CEP43: variants seen among roughly 807,000 people sequenced by gnomAD.
CEP43 encodes the protein centrosomal protein 43.
CEP43 carries 36 observed loss-of-function variants against 52.6 expected under a neutral mutation model. The observed-to-expected ratio is 0.68, with a 90% CI of 0.52 to 0.90. CEP43 has a LOEUF of 0.90. Among genes scored for constraint, CEP43 ranks in the 40% least tolerant of loss-of-function variants. CEP43 has a pLI of 0.00. For synonymous variants in CEP43, 192 were observed against 172.4 expected (o/e 1.11, Z -0.89); for missense variants, 506 against 472.8 (o/e 1.07, Z -0.65).
At chr6:167,034,884 A>G (rs968147732) in intron 12 of CEP43, among the ~76,000 whole-genome samples, 1 of 123,096 alleles carries the variant, frequency 8.1e-6, no homozygotes, top group African/African-American at 2.9e-5. Flanking sequence ...TTCCTGATGT[A>G]TTATATACCC....
At chr6:167,023,501 C>A (rs1780285787) in intron 8 of CEP43, among the ~76,000 whole-genome samples, 1 of 152,186 alleles carries the variant, frequency 6.6e-6, no homozygotes, top group African/African-American at 2.4e-5. Context: ...AGCCTGGAGG[C>A]CCCTGTTGCT....
chr6:167,003,172 A>G, intron 2 of CEP43, 21 bp from the exon 3 acceptor site: 1 of 1,159,786 alleles, frequency 8.6e-7, no homozygotes, highest in Non-Finnish European at 1.2e-6. Flanking sequence ...CATGACACTT[A>G]AATTTTTTTT....
At chr6:167,006,831 G>T (rs1779865898) in intron 5 of CEP43, among the ~76,000 whole-genome samples, 1 of 152,130 alleles carries the variant, frequency 6.6e-6, no homozygotes, top group Admixed American at 6.5e-5. Flanking sequence ...CTTTATCCTA[G>T]CTCCAGACTA....
chr6:167,015,515 T>G (rs959318235), intron 7 of CEP43, among the ~76,000 whole-genome samples: 1 of 152,198 alleles, frequency 6.6e-6, no homozygotes, highest in Non-Finnish European at 1.5e-5. Flanking sequence ...GCCATCCGCA[T>G]GGTAGGTGAG....
Position 167,042,286 on chromosome 6 carries a change from T to G in CEP43, c.*2308T>G. On this transcript the variant is annotated 3_prime_UTR_variant, in exon 13 of 13. Coordinates refer to ENST00000366847, the MANE Select transcript of CEP43 (RefSeq NM_007045.4). The stretch of plus-strand genomic sequence containing the variant: ...GTGTTTTCTGTTAAAAAATAAATAT[T>G]GAAATATTAACCCATTAAATACATT... 3 of 1,003,278 alleles carry G rather than the reference T, an allele frequency of 3.0e-6. No individual in the cohort carries two copies. The highest frequency in any genetic ancestry group is 3.6e-6 in the Non-Finnish European group (3 of 838,678). The allele number at this position is 1,003,278 out of a possible 1,614,324, so 62.1% of individuals were successfully genotyped here. A position where few individuals can be genotyped will look rare whatever the true frequency, so the allele number is the denominator to read the frequency against.
chr6:167,010,235 G>T (rs1032629378), intron 5 of CEP43, among the ~76,000 whole-genome samples: 45 of 152,198 alleles, frequency 3.0e-4, no homozygotes, highest in African/African-American at 1.0e-3. Context: ...TAACCACAGT[G>T]CTCAGAACCC....
chr6:167,030,783 G>C (rs973116628), intron 10 of CEP43, among the ~76,000 whole-genome samples: 1 of 151,994 alleles, frequency 6.6e-6, no homozygotes, highest in African/African-American at 2.4e-5. Context: ...TCTGGCGGTG[G>C]TACGATTATC....
chr6:167,027,506 G>A (rs1780380639), intron 10 of CEP43, among the ~76,000 whole-genome samples: 1 of 152,172 alleles, frequency 6.6e-6, no homozygotes, highest in African/African-American at 2.4e-5. Flanking sequence ...TCACAGGCAG[G>A]TTAGGGAGAA....
intron 10 of CEP43, among the ~76,000 whole-genome samples, chr6:167,031,804 C>T (rs941644798): frequency 6.6e-6 from 1 of 152,214 alleles, no homozygotes; most frequent in Non-Finnish European, 1.5e-5. Context: ...ATCTAGCCCT[C>T]AGAAGTCCTG....
chr6:167,003,758 C>A lies in CEP43; in HGVS notation c.247C>A (p.Gln83Lys), dbSNP rs751802815. The A allele has an allele frequency of 1.4e-5, 23 of 1,611,464 alleles. No homozygotes were observed. Reference protein sequence around the residue: ...LVASLVAEFLQFFNLDFTLAV... With the variant: ...LVASLVAEFLKFFNLDFTLAV... ...GGCTAGTCTTGTTGCAGAATTTCTTCAGTTTTTTAACCTTGACTTTACTTT... is the reference window on the plus strand; with the variant it reads ...GGCTAGTCTTGTTGCAGAATTTCTTAAGTTTTTTAACCTTGACTTTACTTT... Residue 83 changes from glutamine to lysine, a missense_variant, in exon 4 of 13, where the codon CAG (glutamine) becomes AAG (lysine). Gln to Lys is a moderately conservative substitution (Grantham distance 53). Coordinates refer to ENST00000366847, the MANE Select transcript of CEP43 (RefSeq NM_007045.4).
At chr6:167,016,675 C>T (rs1350972158) in intron 7 of CEP43, among the ~76,000 whole-genome samples, 1 of 152,154 alleles carries the variant, frequency 6.6e-6, no homozygotes, top group Non-Finnish European at 1.5e-5. Flanking sequence ...TTTTCCAAAC[C>T]AGGCGTTACC....
intron 2 of CEP43, among the ~76,000 whole-genome samples, chr6:167,001,627 G>C (rs1208814520): frequency 6.6e-6 from 1 of 152,134 alleles, no homozygotes; most frequent in Non-Finnish European, 1.5e-5. Flanking sequence ...ACTGTATTAT[G>C]CCCTTAATGG....
intron 5 of CEP43, among the ~76,000 whole-genome samples, chr6:167,007,013 C>G (rs1467672774): frequency 6.6e-6 from 1 of 152,208 alleles, no homozygotes; most frequent in Non-Finnish European, 1.5e-5. Context: ...TCTTCTTGCT[C>G]ACTTCTGTGT....
chr6:167,041,108 C>A lies in CEP43; in HGVS notation c.*1130C>A. The A allele has an allele frequency of 9.6e-7, 1 of 1,040,304 alleles. No individual in the cohort carries two copies. The highest frequency in any genetic ancestry group is 5.9e-5 in the East Asian group (1 of 17,060). The allele number at this position is 1,040,304 out of a possible 1,614,324, so 64.4% of individuals were successfully genotyped here. ...GCACTTTATAATTTCAATTAAGTTG[C>A]GGCTTTTTACTACAAGTTAACTTTA... On this transcript the variant is annotated 3_prime_UTR_variant, in exon 13 of 13. Coordinates refer to ENST00000366847, the MANE Select transcript of CEP43 (RefSeq NM_007045.4).
rs1562538531 is a variant in CEP43 at position 167,046,646 on chromosome 6, C to T, written c.*6668C>T. 1 of 152,326 alleles carries T rather than the reference C, an allele frequency of 6.6e-6. No homozygotes were observed. Among genetic ancestry groups the T allele is most frequent in the African/African-American group, 2.4e-5 (1 of 41,468 alleles). 9.4% of individuals were successfully genotyped at this position (152,326 alleles called of 1,614,324 possible). A position where few individuals can be genotyped will look rare whatever the true frequency, so the allele number is the denominator to read the frequency against. ...GGTGGCCCCATCCTGTGATGTGCCA[C>T]CACATCCCTTTTCAGTGAAGGGCTT... On this transcript the variant is annotated 3_prime_UTR_variant, in exon 13 of 13. Transcript: ENST00000366847.
At chr6:167,039,290 T>C (rs73033009) in intron 12 of CEP43, among the ~76,000 whole-genome samples, 3,089 of 152,230 alleles carry the variant, frequency 0.02, 53 homozygotes, top group East Asian at 0.092. Flanking sequence ...CTATATTGTC[T>C]GGCTAATTTT....
In CEP43 at chr6:166,999,442, C is replaced by G. The variant is rs757570793; in HGVS notation, c.30C>G (p.Ala10=). MAATAAAVV[A]EEDTELRDLL... is the part of the protein sequence containing the mutation. ...CGGCGACGGCGGCCGCAGTGGTGGC[C>G]GAGGAGGACACGGAGCTGCGGGACC... Residue 10 remains alanine (A), a synonymous_variant, in exon 1 of 13, where the codon GCC becomes GCG. Coordinates refer to ENST00000366847, the MANE Select transcript of CEP43 (RefSeq NM_007045.4). 140 of 1,480,356 alleles carry G rather than the reference C, an allele frequency of 9.5e-5. No homozygotes were observed. Among genetic ancestry groups the G allele is most frequent in the Admixed American group, 2.1e-4 (9 of 42,726 alleles). 91.7% of individuals were successfully genotyped at this position (1,480,356 alleles called of 1,614,324 possible). A position where few individuals can be genotyped will look rare whatever the true frequency, so the allele number is the denominator to read the frequency against.
chr6:167,025,815 T>TAG (rs1780341745), intron 9 of CEP43, among the ~76,000 whole-genome samples: 2 of 152,180 alleles, frequency 1.3e-5, no homozygotes, highest in African/African-American at 4.8e-5. Context: ...TGACATTGAT[T>TAG]AGAGAATGAT....
intron 12 of CEP43, among the ~76,000 whole-genome samples, chr6:167,037,461 T>C (rs1318234875): frequency 1.3e-5 from 2 of 152,244 alleles, no homozygotes; most frequent in Non-Finnish European, 2.9e-5. Context: ...TGTTTTACAG[T>C]CTGTCTGCAA....
Sources: gnomAD v4.1 joint callset for allele counts (sites outside exome capture counted in the v4.1 genomes callset) on GRCh38, gnomAD v4.1.1 for gene constraint, MANE v1.5 for transcripts, NCBI Gene and HGNC (gene_info 2026-07-23, HGNC 2026-07-21) for gene names.